The following TEX9 variants were observed in gnomAD, a reference collection of about 807,000 sequenced individuals.
The protein encoded by TEX9 is testis-expressed protein 9.
Under a neutral mutation model 59.6 loss-of-function variants are expected in TEX9, and 74 were observed. That is an observed-to-expected ratio of 1.24 (90% CI 1.03 to 1.51). The LOEUF (loss-of-function observed/expected upper bound fraction) is 1.51, where lower values mean the gene tolerates loss of function less well. TEX9 is among the 40% of genes most tolerant of loss of function. The probability of loss-of-function intolerance (pLI) is 0.00; values close to 1 mark genes in which losing one functional copy is unlikely to be tolerated. For synonymous variants in TEX9, 186 were observed against 152.2 expected (o/e 1.22, Z -1.64); for missense variants, 522 against 447.8 (o/e 1.17, Z -1.49).
chr15:56,449,019 T>C (rs1263609394), downstream of TEX9, among the ~76,000 whole-genome samples: 2 of 152,324 alleles, frequency 1.3e-5, no homozygotes, highest in South Asian at 4.1e-4. Context: ...CCTTGCAAAG[T>C]GCTGGGATTA....
chr15:56,309,701 T>TTTTTTTTTG (rs2045564010), intron 1 of TEX9, among the ~76,000 whole-genome samples: 2 of 126,534 alleles, frequency 1.6e-5, no homozygotes, highest in Non-Finnish European at 3.4e-5. Context: ...AAGTTTTTTT[T>TTTTTTTTTG]TTTTTTTTTT....
intron 1 of TEX9, among the ~76,000 whole-genome samples, chr15:56,327,065 T>C (rs936642903): frequency 6.6e-6 from 1 of 152,162 alleles, no homozygotes; most frequent in Non-Finnish European, 1.5e-5. Flanking sequence ...AAAATAATGA[T>C]TAACATTTTG....
In TEX9 at chr15:56,377,129, CCAG is replaced by C. The variant is rs1596141514; in HGVS notation, c.183+3626_183+3628del. ...ATTGGTCTGTGTGTCTGTTTTTATG[CCAG>C]TACTCAGATGTTTTGGTTACTATAG... On this transcript the variant is annotated intron_variant, in intron 3 of 12. Coordinates refer to ENST00000352903, the Ensembl canonical transcript of TEX9. Among the ~76,000 whole-genome samples, 3 of 152,064 alleles carry C rather than the reference CCAG, an allele frequency of 2.0e-5. No individual in the cohort carries two copies. The East Asian group carries it at 5.8e-4, about 29-fold the overall frequency.
At chr15:56,277,571 C>T (rs892063274) in intron 1 of TEX9, among the ~76,000 whole-genome samples, 6 of 152,226 alleles carry the variant, frequency 3.9e-5, no homozygotes, top group African/African-American at 1.4e-4. Context: ...GTTTTGGTTA[C>T]TGTAGCCTTA....
chr15:56,431,604 TTA>T, intron 12 of TEX9: 1 of 1,042,122 alleles, frequency 9.6e-7, no homozygotes, highest in Non-Finnish European at 1.4e-6. Flanking sequence ...GATGAACTAT[TTA>T]TGACACTAAG....
intron 1 of TEX9, among the ~76,000 whole-genome samples, chr15:56,324,839 A>G (rs2045988317): frequency 6.6e-6 from 1 of 152,210 alleles, no homozygotes; most frequent in Non-Finnish European, 1.5e-5. Context: ...GTGGGGCTTT[A>G]GCAAGCTTAC....
At chr15:56,247,882 T>C (rs2043900269) in intron 1 of TEX9, among the ~76,000 whole-genome samples, 1 of 152,248 alleles carries the variant, frequency 6.6e-6, no homozygotes, top group Non-Finnish European at 1.5e-5. Flanking sequence ...GATCATTACT[T>C]CCTCTGTCTT....
chr15:56,301,653 AG>A (rs1405380034), intron 1 of TEX9, among the ~76,000 whole-genome samples: 1 of 151,944 alleles, frequency 6.6e-6, no homozygotes, highest in Non-Finnish European at 1.5e-5. Context: ...AAAGTGCTGA[AG>A]GAAAAAAAAA....
chr15:56,285,707 A>T (rs553122912), intron 1 of TEX9, among the ~76,000 whole-genome samples: 1 of 152,316 alleles, frequency 6.6e-6, no homozygotes, highest in Admixed American at 6.5e-5. Flanking sequence ...TTATGTTTTC[A>T]GTATGAGCAT....
intron 1 of TEX9, among the ~76,000 whole-genome samples, chr15:56,283,712 AT>A (rs2044874346): frequency 6.6e-6 from 1 of 152,174 alleles, no homozygotes; most frequent in Non-Finnish European, 1.5e-5. Flanking sequence ...AATGAAAAAA[AT>A]TAATATTTAA....
At chr15:56,427,459 C>A (rs1466276566) in intron 10 of TEX9, 146 bp from the exon 11 acceptor site, 11 of 450,266 alleles carry the variant, frequency 2.4e-5, no homozygotes, top group Non-Finnish European at 4.2e-5. Context: ...TCCAGTAATT[C>A]GGTAATGGAA....
intron 1 of TEX9, among the ~76,000 whole-genome samples, chr15:56,284,613 C>A (rs1400326039): frequency 1.3e-5 from 2 of 152,132 alleles, no homozygotes; most frequent in Non-Finnish European, 2.9e-5. Flanking sequence ...ACTAGTCTTG[C>A]AGAGAAATCA....
intron 12 of TEX9, among the ~76,000 whole-genome samples, chr15:56,439,793 C>G (rs1308335670): frequency 6.8e-6 from 1 of 147,374 alleles, no homozygotes; most frequent in African/African-American, 2.5e-5. Context: ...CACACACACA[C>G]AAACCTTTAG....
At chr15:56,373,537 A>G (rs1192426414) in intron 3 of TEX9, 33 bp downstream of exon 3, 1 of 1,487,108 alleles carries the variant, frequency 6.7e-7, no homozygotes, top group Non-Finnish European at 8.9e-7. Flanking sequence ...ATAATTCTAT[A>G]TAAATGCTAG....
intron 1 of TEX9, among the ~76,000 whole-genome samples, chr15:56,246,855 C>A (rs2043869903): frequency 1.3e-5 from 2 of 152,114 alleles, no homozygotes; most frequent in Admixed American, 1.3e-4. Flanking sequence ...GGAATTCAAA[C>A]CCTCTGTTTC....
At chr15:56,271,980 A>T (rs775416550) in intron 1 of TEX9, among the ~76,000 whole-genome samples, 1 of 151,930 alleles carries the variant, frequency 6.6e-6, no homozygotes, top group Non-Finnish European at 1.5e-5. Flanking sequence ...TCTACTAAAA[A>T]CTACAAAAAC....
chr15:56,311,772 T>C (rs2045624541), intron 1 of TEX9, among the ~76,000 whole-genome samples: 1 of 145,246 alleles, frequency 6.9e-6, no homozygotes, highest in African/African-American at 2.5e-5. Flanking sequence ...AGTGTAAAAG[T>C]GTTCCTATTT....
chr15:56,316,791 C>G (rs2045778981), intron 1 of TEX9, among the ~76,000 whole-genome samples: 1 of 152,210 alleles, frequency 6.6e-6, no homozygotes, highest in Admixed American at 6.5e-5. Flanking sequence ...GCTGTGCTAG[C>G]AATCAGCGAG....
chr15:56,350,894 G>A (rs1221909125), intron 1 of TEX9, among the ~76,000 whole-genome samples: 4 of 152,168 alleles, frequency 2.6e-5, no homozygotes, highest in African/African-American at 9.7e-5. Context: ...CATATGATGA[G>A]TGCTTAAAGA....
Sources: gnomAD v4.1 joint callset for allele counts (sites outside exome capture counted in the v4.1 genomes callset) on GRCh38, gnomAD v4.1.1 for gene constraint, MANE v1.5 for transcripts, NCBI Gene and HGNC (gene_info 2026-07-23, HGNC 2026-07-21) for gene names.